The following MTSS2 variants were observed in gnomAD, a reference collection of about 807,000 sequenced individuals.
MTSS2 encodes protein MTSS 2.
MTSS2 carries 27 observed loss-of-function variants against 67.1 expected under a neutral mutation model. The observed-to-expected ratio is 0.40, with a 90% CI of 0.30 to 0.55. The LOEUF (loss-of-function observed/expected upper bound fraction) is 0.55. MTSS2 is among the 20% of genes least tolerant of loss of function. MTSS2 has a pLI of 0.43. For synonymous variants in MTSS2, 624 were observed against 468.6 expected, an observed-to-expected ratio of 1.33 and a Z score of -4.28; for missense variants, 1,171 against 1,067.8, an observed-to-expected ratio of 1.10 and a Z score of -1.35.
chr16:70,679,278 C>A, intron 7 of MTSS2, 37 bp downstream of exon 7: 2 of 1,612,696 alleles, frequency 1.2e-6, no homozygotes, highest in African/African-American at 2.7e-5. Flanking sequence ...GCGACAAGGA[C>A]GGGAGGAGCA....
intron 7 of MTSS2, 97 bp from the exon 8 acceptor site, chr16:70,678,506 G>A (rs1328815462): frequency 1.3e-5 from 18 of 1,420,810 alleles, no homozygotes; most frequent in South Asian, 5.5e-5. Flanking sequence ...TCTCTCGGCC[G>A]TTGGGCTGGG....
At chr16:70,683,785 C>A (rs138390832) in intron 1 of MTSS2, among the ~76,000 whole-genome samples, 3 of 152,172 alleles carry the variant, frequency 2.0e-5, no homozygotes, top group Non-Finnish European at 4.4e-5. Context: ...CCTTCCTCTA[C>A]GGAGGCCCTG....
Position 70,664,298 on chromosome 16 carries a change from C to T in MTSS2, c.1623G>A (p.Gly541=). The T allele has an allele frequency of 3.2e-6, 5 of 1,564,064 alleles. No individual in the cohort carries two copies. Among genetic ancestry groups the T allele is most frequent in the African/African-American group, 1.4e-5 (1 of 73,586 alleles). Residue 541 remains glycine (G), a synonymous_variant, in exon 15 of 15, where the codon GGG becomes GGA. Coordinates refer to ENST00000338779, the MANE Select transcript of MTSS2 (RefSeq NM_138383.3). ...IQTKRPASTA[G]LPTAGLPTAT... ...CCGTGGGCAGCCCCGCGGTGGGCAG[C>T]CCAGCAGTGGAGGCTGGGCGCTTGG...
intron 11 of MTSS2, among the ~76,000 whole-genome samples, chr16:70,666,814 G>T (rs1037175430): frequency 1.3e-5 from 2 of 152,226 alleles, no homozygotes; most frequent in African/African-American, 4.8e-5. Context: ...CAAGCTGCTA[G>T]AAAGGAAGCT....
intron 11 of MTSS2, among the ~76,000 whole-genome samples, chr16:70,669,818 T>TAAAAAAA (rs3058050): frequency 4.1e-5 from 6 of 145,904 alleles, no homozygotes; most frequent in African/African-American, 1.5e-4. Flanking sequence ...CTCTGTCTCA[T>TAAAAAAA]AAAAAAAAAA....
chr16:70,685,800 T>TGGGCC lies in MTSS2; in HGVS notation c.-14_-10dup, dbSNP rs758279747. On this transcript the variant is annotated 5_prime_UTR_variant, in exon 1 of 15. Coordinates refer to ENST00000338779, the MANE Select transcript of MTSS2 (RefSeq NM_138383.3). Reference sequence around the variant, plus strand: ...TTCTCCGCCGTCTCCATGCTCTGGCTGGGCCGGGCCGCGGCGGCGGCTAGG... The same window carrying TGGGCC: ...TTCTCCGCCGTCTCCATGCTCTGGCTGGGCCGGGCCGGGCCGCGGCGGCGGCTAGG... The TGGGCC allele has an allele frequency of 2.4e-5, 31 of 1,288,906 alleles. No homozygotes were observed. In the Admixed American group the frequency reaches 5.9e-4, roughly 25 times the overall value. 79.8% of individuals were successfully genotyped at this position (1,288,906 alleles called of 1,614,324 possible).
intron 11 of MTSS2, among the ~76,000 whole-genome samples, chr16:70,668,483 G>A (rs771474207): frequency 6.6e-6 from 1 of 152,088 alleles, no homozygotes; most frequent in Non-Finnish European, 1.5e-5. Flanking sequence ...ATAAGGCAGA[G>A]AAATCAACAA....
At position 70,680,059 on chromosome 16, in the gene MTSS2, G is replaced by T; in HGVS notation, c.206-4C>A. 6.6e-7 allele frequency: 1 copy of T among 1,512,104 alleles called. No homozygotes were observed. Among genetic ancestry groups the T allele is most frequent in the Admixed American group, 2.0e-5 (1 of 50,052 alleles). The allele number at this position is 1,512,104 out of a possible 1,614,324, so 93.7% of individuals were successfully genotyped here. On this transcript the variant is annotated splice_polypyrimidine_tract_variant and splice_region_variant and intron_variant, in intron 3 of 14. Transcript: ENST00000338779. ...GAGCCGATGTCCCTCGTGGCCCCTG[G>T]CGAGGCAAGCGCGGGGTGGGAAGGG...
chr16:70,665,172 G>A, intron 12 of MTSS2, 76 bp from the exon 13 acceptor site: 1 of 1,478,534 alleles, frequency 6.8e-7, no homozygotes, highest in South Asian at 1.3e-5. Context: ...CACTGTGGCT[G>A]AGGCTCAGGG....
chr16:70,673,816 G>C (rs1485124519), intron 11 of MTSS2, among the ~76,000 whole-genome samples: 1 of 152,104 alleles, frequency 6.6e-6, no homozygotes, highest in African/African-American at 2.4e-5. Flanking sequence ...AATTACTCAG[G>C]AGGTGGGGTT....
At chr16:70,673,006 C>G (rs1294987841) in intron 11 of MTSS2, among the ~76,000 whole-genome samples, 1 of 151,930 alleles carries the variant, frequency 6.6e-6, no homozygotes, top group Admixed American at 6.6e-5. Context: ...ACTAAAAATA[C>G]AAAAATTAGC....
Position 70,664,245 on chromosome 16 carries a change from G to T in MTSS2, c.1676C>A (p.Pro559His), listed in dbSNP as rs760699112. ...TATGLPSGAP[P>H]GVATIRRTPS... is the part of the protein sequence containing the mutation. The stretch of plus-strand genomic sequence containing the variant: ...TGTGCGGCGGATGGTGGCCACGCCG[G>T]GGGGTGCGCCCGAGGGCAGGCCAGT... Residue 559 changes from proline (P) to histidine (H), a missense_variant, in exon 15 of 15, where the codon CCC becomes CAC. Physicochemically the swap from Pro to His is moderately conservative, Grantham distance 77 (BLOSUM62 -2). Coordinates refer to ENST00000338779, the MANE Select transcript of MTSS2 (RefSeq NM_138383.3). 1.9e-6 allele frequency: 3 copies of T among 1,565,904 alleles called. No individual in the cohort carries two copies. Among genetic ancestry groups the T allele is most frequent in the Admixed American group, 3.6e-5 (2 of 55,050 alleles).
At chr16:70,672,096 C>G (rs2052956459) in intron 11 of MTSS2, among the ~76,000 whole-genome samples, 1 of 152,124 alleles carries the variant, frequency 6.6e-6, no homozygotes, top group African/African-American at 2.4e-5. Context: ...GCCTGTAATC[C>G]CAGCACTTTG....
chr16:70,679,288 A>C (rs1282604219), intron 7 of MTSS2, 27 bp downstream of exon 7: 2 of 1,613,628 alleles, frequency 1.2e-6, no homozygotes, highest in Non-Finnish European at 1.7e-6. Context: ...CGGGAGGAGC[A>C]GCTGGAGGGA....
chr16:70,665,777 G>T, intron 11 of MTSS2: 1 of 436,720 alleles, frequency 2.3e-6, no homozygotes, highest in Non-Finnish European at 4.1e-6. Flanking sequence ...CCAGCCCTGC[G>T]CATTTTGAAG....
At position 70,674,441 on chromosome 16, in the gene MTSS2, G is replaced by A. The variant is rs2053046530; in HGVS notation, c.918C>T (p.Arg306=). 3 of 1,614,224 alleles carry A rather than the reference G, an allele frequency of 1.9e-6. No homozygotes were observed. Among genetic ancestry groups the A allele is most frequent in the Non-Finnish European group, 2.5e-6 (3 of 1,180,036 alleles). ...TGGCTGGCTGCGCCAGGCTGCGGTAGCGACAGGTGGAACTGGGTGAGTATG... is the reference window on the plus strand; with the variant it reads ...TGGCTGGCTGCGCCAGGCTGCGGTAACGACAGGTGGAACTGGGTGAGTATG... ...AQTYSPSSTC[R]YRSLAQPATT... The change falls in exon 11 of 15, where the codon CGC becomes CGT. Residue 306 remains arginine, a synonymous_variant. Transcript: ENST00000338779.
intron 1 of MTSS2, among the ~76,000 whole-genome samples, chr16:70,682,775 C>A (rs975757915): frequency 4.6e-5 from 7 of 152,066 alleles, no homozygotes; most frequent in African/African-American, 1.7e-4. Context: ...AGGGCTCCAG[C>A]AGCCAGTGCC....
In MTSS2 at chr16:70,664,695, C is replaced by T. The variant is rs750771058; in HGVS notation, c.1374G>A (p.Glu458=). 2 of 1,613,330 alleles carry T rather than the reference C, an allele frequency of 1.2e-6. No homozygotes were observed. The highest frequency in any genetic ancestry group is 1.7e-6 in the Non-Finnish European group (2 of 1,179,872). Residue 458 remains glutamate, a synonymous_variant, in exon 14 of 15, where the codon GAG becomes GAA. Transcript: ENST00000338779. ...GCGAGTCCCGGCTGCTCTTCTGGTG[C>T]TCCAGGCTCAGGCCCCGCGTCAGCA... ...AMVLTRGLSL[E]HQKSSRDSLQ...
chr16:70,680,124 G>T (rs2053255298), intron 3 of MTSS2, 69 bp from the exon 4 acceptor site: 3 of 1,140,898 alleles, frequency 2.6e-6, no homozygotes, highest in Non-Finnish European at 3.3e-6. Flanking sequence ...CGGGCCAGGA[G>T]GGGGCGCCCC....
Sources: gnomAD v4.1 joint callset for allele counts (sites outside exome capture counted in the v4.1 genomes callset) on GRCh38, gnomAD v4.1.1 for gene constraint, MANE v1.5 for transcripts, NCBI Gene and HGNC (gene_info 2026-07-23, HGNC 2026-07-21) for gene names.